FHL1: variants seen among roughly 807,000 people sequenced by gnomAD.
The protein encoded by FHL1 is four and a half LIM domains protein 1.
In FHL1, 1 loss-of-function variant was observed where a neutral mutation model predicts 20.3. The observed-to-expected ratio is 0.05, with a 90% CI of 0.02 to 0.23. FHL1 has a LOEUF of 0.23. Among genes scored for constraint, FHL1 ranks in the 10% least tolerant of loss-of-function variants. The pLI is 1.00. For synonymous variants in FHL1, 82 were observed against 88.9 expected (o/e 0.92, Z 0.44); for missense variants, 177 against 234.0 (o/e 0.76, Z 1.59).
chrX:136,193,038 C>A (rs2073467443), upstream of FHL1, among the ~76,000 whole-genome samples: 1 of 103,714 alleles, frequency 9.6e-6, no homozygotes. Flanking sequence ...AACTTGCAGT[C>A]TATTAATTTA....
In FHL1 at chrX:136,209,289, G is replaced by C. The variant is rs886935189; in HGVS notation, c.737-582G>C. Reference sequence around the variant, plus strand: ...TGAGCCACCCAGTCTCTAAAGCTAGGAAGCCCCCAGTGTGCCACGGGAAAC... The same window carrying C: ...TGAGCCACCCAGTCTCTAAAGCTAGCAAGCCCCCAGTGTGCCACGGGAAAC... On this transcript the variant is annotated intron_variant, in intron 5 of 5. Coordinates refer to ENST00000370683, the MANE Select transcript of FHL1 (RefSeq NM_001159699.2). 18 of 1,210,904 alleles carry C rather than the reference G, an allele frequency of 1.5e-5. No homozygotes were observed. The highest frequency in any genetic ancestry group is 2.0e-5 in the Non-Finnish European group (18 of 895,240).
chrX:136,163,786 A>G (rs2072638256), intron 1 of FHL1, among the ~76,000 whole-genome samples: 1 of 111,384 alleles, frequency 9.0e-6, no homozygotes, highest in Non-Finnish European at 1.9e-5. Context: ...TGCGGAGGTG[A>G]CCCACAGCAA....
intron 1 of FHL1, among the ~76,000 whole-genome samples, chrX:136,155,411 TTAC>T (rs1189641957): frequency 1.8e-5 from 2 of 112,116 alleles, no homozygotes; most frequent in African/African-American, 6.5e-5. Flanking sequence ...TGTACAGAGA[TTAC>T]ATAGGCTATG....
chrX:136,206,974 A>G (rs371448577), intron 2 of FHL1, 42 bp from the exon 3 acceptor site: 5 of 1,201,636 alleles, frequency 4.2e-6, no homozygotes, highest in Non-Finnish European at 5.6e-6. Context: ...CACCACCCCC[A>G]GCACCCCTCA....
At chrX:136,179,251 A>G (rs2073093619) in intron 2 of FHL1, among the ~76,000 whole-genome samples, 2 of 111,831 alleles carry the variant, frequency 1.8e-5, no homozygotes, top group African/African-American at 6.5e-5. Context: ...CAGTGGTTCA[A>G]ATGGAAACTA....
upstream of FHL1, among the ~76,000 whole-genome samples, chrX:136,166,420 C>A (rs1007974789): frequency 2.7e-5 from 3 of 111,433 alleles, no homozygotes; most frequent in Non-Finnish European, 5.6e-5. Context: ...ACATGAAATG[C>A]AAGGACTTTC....
upstream of FHL1, among the ~76,000 whole-genome samples, chrX:136,193,954 A>AC (rs1452595287): frequency 1.7e-3 from 168 of 97,269 alleles, no homozygotes; most frequent in South Asian, 0.011. Flanking sequence ...TCACACCCCA[A>AC]CCCCCCCCAG....
At chrX:136,204,899 A>G (rs2073801890) in intron 1 of FHL1, 1 of 112,369 alleles carries the variant, frequency 8.9e-6, no homozygotes, top group South Asian at 3.7e-4. Context: ...AATGGAACCC[A>G]AAGTGAGACT....
At chrX:136,168,771 CA>C (rs1315005124), upstream of FHL1, among the ~76,000 whole-genome samples, 2 of 111,839 alleles carry the variant, frequency 1.8e-5, no homozygotes, top group African/African-American at 6.5e-5. Flanking sequence ...AGTGAACCAA[CA>C]GTCTCAGCTG....
At chrX:136,183,170 A>T (rs1450688978) in intron 2 of FHL1, among the ~76,000 whole-genome samples, 7 of 110,716 alleles carry the variant, frequency 6.3e-5, no homozygotes, top group Non-Finnish European at 1.3e-4. Flanking sequence ...TAGTTGGGGG[A>T]TGTGGGTGGG....
At position 136,207,079 on chromosome X, in the gene FHL1, C is replaced by T. The variant is rs774990626; in HGVS notation, c.268C>T (p.Pro90Ser). 4.1e-6 allele frequency: 5 copies of T among 1,211,801 alleles called. No homozygotes were observed. In the South Asian group the frequency reaches 8.8e-5, roughly 21 times the overall value. ...TCFRCAKCLH[P>S]LANETFVAKD... ...CTTCCGCTGTGCCAAGTGCCTTCACCCCTTGGCCAATGAGACCTTTGTGGC... is the reference window on the plus strand; with the variant it reads ...CTTCCGCTGTGCCAAGTGCCTTCACTCCTTGGCCAATGAGACCTTTGTGGC... Residue 90 changes from proline to serine, a missense_variant, in exon 3 of 6, where the codon CCC becomes TCC. Physicochemically the swap from Pro to Ser is moderately conservative, Grantham distance 74 (BLOSUM62 -1). Coordinates refer to ENST00000370683, the MANE Select transcript of FHL1 (RefSeq NM_001159699.2).
intron 1 of FHL1, among the ~76,000 whole-genome samples, chrX:136,156,522 T>C (rs2072424091): frequency 9.0e-6 from 1 of 111,418 alleles, no homozygotes; most frequent in African/African-American, 3.3e-5. Flanking sequence ...CATCAGGTGA[T>C]CCGCCCTCCT....
chrX:136,208,025 C>A, intron 4 of FHL1, 64 bp downstream of exon 4: 1 of 1,091,483 alleles, frequency 9.2e-7, no homozygotes, highest in Non-Finnish European at 1.3e-6. Context: ...GTTTGCAGAG[C>A]ACTTCCACAC....
At position 136,210,020 on chromosome X, in the gene FHL1, C is replaced by T; in HGVS notation, c.886C>T (p.Leu296=). 8.3e-7 allele frequency: 1 copy of T among 1,211,280 alleles called. No individual in the cohort carries two copies. The highest frequency in any genetic ancestry group is 1.1e-6 in the Non-Finnish European group (1 of 895,422). ...GTATTGTCCCGACTGTGCCAAAAAG[C>T]TGTAAACTGACAGGGGCTCCTGTCC... ...QVYCPDCAKK[L] is the part of the protein sequence containing the mutation. Residue 296 remains leucine, a synonymous_variant, in exon 6 of 6, where the codon CTG becomes TTG. Transcript: ENST00000370683.
chrX:136,163,178 T>C (rs919924177), intron 1 of FHL1, among the ~76,000 whole-genome samples: 2 of 112,404 alleles, frequency 1.8e-5, no homozygotes, highest in African/African-American at 6.5e-5. Context: ...AACACCTGAA[T>C]CTTGGACACA....
At chrX:136,150,194 C>T (rs1013608802) in intron 1 of FHL1, among the ~76,000 whole-genome samples, 10 of 112,191 alleles carry the variant, frequency 8.9e-5, no homozygotes, top group African/African-American at 3.2e-4. Flanking sequence ...AAAGATTTTG[C>T]TGATACGCAT....
chrX:136,168,450 A>C (rs1272970546), upstream of FHL1, among the ~76,000 whole-genome samples: 1 of 112,123 alleles, frequency 8.9e-6, no homozygotes, highest in Non-Finnish European at 1.9e-5. Context: ...AAAACCTAAC[A>C]TGAAACAATC....
At chrX:136,148,754 T>C (rs752368723) in intron 1 of FHL1, 41 of 112,097 alleles carry the variant, frequency 3.7e-4, no homozygotes, top group African/African-American at 1.3e-3. Flanking sequence ...TTTGATTGCC[T>C]TTTACAATAA....
chrX:136,160,230 A>G (rs1410026592), intron 1 of FHL1, among the ~76,000 whole-genome samples: 1 of 110,742 alleles, frequency 9.0e-6, no homozygotes, highest in African/African-American at 3.3e-5. Flanking sequence ...CTGCAAAGGG[A>G]AAGAAAAAAA....
Sources: gnomAD v4.1 joint callset for allele counts (sites outside exome capture counted in the v4.1 genomes callset) on GRCh38, gnomAD v4.1.1 for gene constraint, MANE v1.5 for transcripts, NCBI Gene and HGNC (gene_info 2026-07-23, HGNC 2026-07-21) for gene names.